THBS2: variants seen among roughly 807,000 people sequenced by gnomAD.
THBS2 encodes thrombospondin 2.
In THBS2, 47 loss-of-function variants were observed where a neutral mutation model predicts 135.2. The observed-to-expected ratio is 0.35, with a 90% confidence interval of 0.28 to 0.44. The LOEUF is 0.44. Among genes scored for constraint, THBS2 ranks in the 20% least tolerant of loss-of-function variants. The pLI is 1.00. For missense variants in THBS2, 1,288 were observed against 1,603.1 expected (o/e 0.80, Z 3.36); for synonymous variants, 639 against 633.8 (o/e 1.01, Z -0.12).
chr6:169,228,019 C>T (rs910924435), intron 15 of THBS2, 103 bp downstream of exon 15: 37 of 1,375,096 alleles, frequency 2.7e-5, no homozygotes, highest in South Asian at 3.0e-5. Flanking sequence ...AGGTGGAGAT[C>T]GCAGTGAGCC....
chr6:169,233,378 C>T (rs796517092), intron 10 of THBS2, among the ~76,000 whole-genome samples: 30 of 151,944 alleles, frequency 2.0e-4, no homozygotes, highest in African/African-American at 4.3e-4. Context: ...CGCCACGTTC[C>T]GGATCACACA....
At chr6:169,232,287 G>A in intron 12 of THBS2, 89 bp from the exon 13 acceptor site, 1 of 1,435,324 alleles carries the variant, frequency 7.0e-7, no homozygotes, top group Non-Finnish European at 9.7e-7. Context: ...GCAGGCCCCA[G>A]CAGGTCCGGT....
intron 17 of THBS2, 95 bp from the exon 18 acceptor site, chr6:169,223,570 A>G: frequency 1.0e-6 from 1 of 987,028 alleles, no homozygotes; most frequent in Non-Finnish European, 1.6e-6. Context: ...TCTGAGAAAC[A>G]TGAGTGCATC....
chr6:169,236,046 T>C (rs1356529392), intron 9 of THBS2, among the ~76,000 whole-genome samples: 2 of 74,534 alleles, frequency 2.7e-5, no homozygotes, highest in East Asian at 4.2e-4. Flanking sequence ...TCCCTCCCCA[T>C]CCACACTCAC....
intron 7 of THBS2, among the ~76,000 whole-genome samples, chr6:169,239,003 G>T (rs993004398): frequency 5.3e-5 from 8 of 152,108 alleles, no homozygotes; most frequent in Non-Finnish European, 7.4e-5. Context: ...TCGGGGCAGG[G>T]GTGGGAGGCA....
At position 169,239,332 on chromosome 6, in the gene THBS2, G is replaced by A. The variant is rs116742436; in HGVS notation, c.1129+267C>T. 1,714 of 507,340 alleles carry A rather than the reference G, an allele frequency of 3.4e-3. 21 individuals carry two copies. The highest frequency in any genetic ancestry group is 0.022 in the African/African-American group (1,164 of 51,850). 31.4% of individuals were successfully genotyped at this position (507,340 alleles called of 1,614,324 possible). On this transcript the variant is annotated intron_variant, in intron 7 of 21. Coordinates refer to ENST00000617924, the MANE Select transcript of THBS2 (RefSeq NM_003247.5). ...CGGGGCCTGCTCTGGGCTCACCTGC[G>A]TGACCACTGGGCTCAGCTTCCTCGT...
Position 169,225,330 on chromosome 6 carries a change from T to C in THBS2, c.2588A>G (p.Asp863Gly). The change falls in exon 17 of 22, where the codon GAC (aspartate) becomes GGC (glycine). Residue 863 changes from aspartate to glycine, a missense_variant. By Grantham distance (94) the Asp-to-Gly change is moderately conservative (BLOSUM62 -1). Transcript: ENST00000617924. ...LVGDQCDNNEDIDDDGHQNNQ... is the reference protein window; with the variant it reads ...LVGDQCDNNEGIDDDGHQNNQ... ...GTTCTGGTGGCCGTCGTCATCTATGTCCTCGTTGTTGTCACACTGGTCCCC... is the reference window on the plus strand; with the variant it reads ...GTTCTGGTGGCCGTCGTCATCTATGCCCTCGTTGTTGTCACACTGGTCCCC... 6.4e-7 allele frequency: 1 copy of C among 1,568,238 alleles called. No homozygotes were observed. Among genetic ancestry groups the C allele is most frequent in the Non-Finnish European group, 8.7e-7 (1 of 1,156,066 alleles).
chr6:169,248,354 G>A (rs1342496394), intron 3 of THBS2, 63 bp downstream of exon 3: 2 of 1,523,118 alleles, frequency 1.3e-6, no homozygotes, highest in African/African-American at 1.4e-5. Context: ...AGACGCATTA[G>A]CAGATCAGTT....
Position 169,232,696 on chromosome 6 carries a change from C to T in THBS2, c.1900G>A (p.Val634Ile). 1.9e-6 allele frequency: 3 copies of T among 1,611,734 alleles called. No homozygotes were observed. The highest frequency in any genetic ancestry group is 1.7e-6 in the Non-Finnish European group (2 of 1,178,970). The stretch of plus-strand genomic sequence containing the variant: ...TCCGTCTTGGCTGCTTCCAGGCCGA[C>T]CCCGACGGGCTGGTTCCCTCTGTAT... ...PRYRGNQPVG[V>I]GLEAAKTEKQ... Residue 634 changes from valine to isoleucine, a missense_variant, in exon 12 of 22, where the codon GTC (valine) becomes ATC (isoleucine). Val to Ile is a conservative substitution (Grantham distance 29, BLOSUM62 3). This residue lies in a region of THBS2 where 874 missense variants were observed against 1,156.1 expected (regional missense o/e 0.76). Coordinates refer to ENST00000617924, the MANE Select transcript of THBS2 (RefSeq NM_003247.5).
At chr6:169,218,758 T>G (rs1779296221) in intron 21 of THBS2, among the ~76,000 whole-genome samples, 4 of 113,148 alleles carry the variant, frequency 3.5e-5, no homozygotes, top group African/African-American at 3.6e-5. Context: ...GATGGATGGA[T>G]GGGTGGGTGG....
chr6:169,220,291 T>C lies in THBS2; in HGVS notation c.3418A>G (p.Ile1140Val), dbSNP rs1779375659. 1.9e-6 allele frequency: 3 copies of C among 1,613,804 alleles called. No individual in the cohort carries two copies. Among genetic ancestry groups the C allele is most frequent in the Non-Finnish European group, 2.5e-6 (3 of 1,179,926 alleles). The change falls in exon 21 of 22, where the codon ATC (isoleucine) becomes GTC (valine). Residue 1140 changes from isoleucine to valine, a missense_variant. Ile to Val is a conservative substitution (Grantham distance 29). Around this residue, in one of 2 missense-constraint regions of THBS2, gnomAD observed 874 missense variants for 1,156.1 expected, o/e 0.76. Coordinates refer to ENST00000617924, the MANE Select transcript of THBS2 (RefSeq NM_003247.5). ...CCGCCAGCGTAGGTTTGGTCATAGA[T>C]AGGTCCTGAGTCTGCCATGACCTGT... Reference protein sequence around the residue: ...GKQVMADSGPIYDQTYAGGRL... With the variant: ...GKQVMADSGPVYDQTYAGGRL...
At chr6:169,242,635 CTCCCACCT>C (rs1356264198) in intron 4 of THBS2, among the ~76,000 whole-genome samples, 17 of 23,436 alleles carry the variant, frequency 7.3e-4, no homozygotes, top group African/African-American at 5.0e-3. Flanking sequence ...CTTCCCACCA[CTCCCACCT>C]TCCCACCACT....
chr6:169,229,535 G>A (rs1779756555), intron 14 of THBS2, 37 bp downstream of exon 14: 1 of 1,578,568 alleles, frequency 6.3e-7, no homozygotes, highest in East Asian at 2.2e-5. Flanking sequence ...GCTGCTCCTG[G>A]AACCCAGGGC....
rs761020135 is a variant in THBS2, at chr6:169,241,890, C to T, written c.763G>A (p.Val255Met). ...GGCCTCCTCTCCGAGCTGGGGCCCA[C>T]GTACTCGGTGGTGACATGCGGACCC... is the stretch of plus-strand genomic sequence containing the variant. ...RLGPHVTTEY[V>M]GPSSERRPEV... The change falls in exon 5 of 22, where the codon GTG (valine) becomes ATG (methionine). Residue 255 changes from valine (V) to methionine (M), a missense_variant. Val to Met is a conservative substitution (Grantham distance 21). Transcript: ENST00000617924. The surrounding 1 kb of genome is among the most constrained non-coding windows in gnomAD (Gnocchi z 5.5). The T allele has an allele frequency of 6.2e-6, 10 of 1,612,060 alleles. No individual in the cohort carries two copies. In the East Asian group the frequency reaches 8.9e-5, roughly 14 times the overall value.
At position 169,248,501 on chromosome 6, in the gene THBS2, C is replaced by G. The variant is rs1329736609; in HGVS notation, c.525G>C (p.Leu175=). Residue 175 remains leucine, a synonymous_variant, in exon 3 of 22, where the codon CTG becomes CTC. Transcript: ENST00000617924. ...VGCDLIDSFA[L]DEPFYEHLQA... ...GCAGGTGCTCGTAGAAGGGCTCGTC[C>G]AGAGCGAAGCTGTCTATGAGGTCGC... The G allele has an allele frequency of 5.0e-6, 8 of 1,614,036 alleles. No individual in the cohort carries two copies. The East Asian group carries it at 1.8e-4, about 36-fold the overall frequency.
chr6:169,243,126 C>T (rs111539442), intron 4 of THBS2, among the ~76,000 whole-genome samples: 1,628 of 95,108 alleles, frequency 0.017, no homozygotes, highest in East Asian at 0.044. Context: ...CCTACCTTCC[C>T]ACCTTCCCAC....
In THBS2 at chr6:169,226,283, C is replaced by A; in HGVS notation, c.2435G>T (p.Arg812Leu). ...GTTGTAGACGTAGGGACAATTGTCT[C>A]GTTCATTGAAGACATCTGTAAGTGT... ...DIDGDDVFNE[R>L]DNCPYVYNTD... The change falls in exon 16 of 22, where the codon CGA (arginine) becomes CTA (leucine). Residue 812 changes from arginine (R) to leucine (L), a missense_variant. Arg to Leu is a moderately radical substitution (Grantham distance 102). Around this residue, in one of 2 missense-constraint regions of THBS2, gnomAD observed 874 missense variants for 1,156.1 expected, o/e 0.76. Coordinates refer to ENST00000617924, the MANE Select transcript of THBS2 (RefSeq NM_003247.5). The A allele has an allele frequency of 6.2e-7, 1 of 1,613,686 alleles. No individual in the cohort carries two copies. The highest frequency in any genetic ancestry group is 8.5e-7 in the Non-Finnish European group (1 of 1,179,688).
Position 169,229,620 on chromosome 6 carries a change from G to C in THBS2, c.2211C>G (p.Gly737=), listed in dbSNP as rs780517126. Residue 737 remains glycine, a synonymous_variant, in exon 14 of 22, where the codon GGC becomes GGG. Transcript: ENST00000617924. ...GQEDFDKDGI[G]DACDDDDDND... ...TGTCATCGTCATCATCACAGGCATCGCCAATCCCGTCCTTGTCAAAGTCTT... is the reference window on the plus strand; with the variant it reads ...TGTCATCGTCATCATCACAGGCATCCCCAATCCCGTCCTTGTCAAAGTCTT... 2.5e-6 allele frequency: 4 copies of C among 1,614,042 alleles called. No homozygotes were observed. The highest frequency in any genetic ancestry group is 3.4e-6 in the Non-Finnish European group (4 of 1,179,968).
chr6:169,240,469 T>G lies in THBS2; in HGVS notation c.1015A>C (p.Thr339Pro). 6.2e-7 allele frequency: 1 copy of G among 1,613,634 alleles called. No individual in the cohort carries two copies. Among genetic ancestry groups the G allele is most frequent in the Non-Finnish European group, 8.5e-7 (1 of 1,179,976 alleles). Residue 339 changes from threonine to proline, a missense_variant, in exon 6 of 22, where the codon ACC (threonine) becomes CCC (proline). Transcript: ENST00000617924. ...GGCCTCACCTTGCAGGTACACGTGG[T>G]GCAGCTGTCCACCACCCACGTTTCA... ...ENETWVVDSC[T>P]TCTCKKFKTI...
Sources: allele counts gnomAD v4.1 joint callset (sites outside exome capture counted in the v4.1 genomes callset), GRCh38; gene constraint gnomAD v4.1.1; regional missense constraint gnomAD v4.1.1; non-coding constraint Gnocchi (gnomAD v3.1); transcripts MANE v1.5; gene names NCBI Gene and HGNC (gene_info 2026-07-23, HGNC 2026-07-21).